TMEM232: variants seen among roughly 807,000 people sequenced by gnomAD.
TMEM232 encodes transmembrane protein 232.
TMEM232 carries 80 observed loss-of-function variants against 78.8 expected under a neutral mutation model. The ratio of observed to expected loss-of-function variants is 1.01; its 90% CI spans 0.85 to 1.22. TMEM232 has a LOEUF of 1.22. TMEM232 is among the 50% of genes most tolerant of loss of function. The pLI, the probability that TMEM232 is intolerant of heterozygous loss-of-function variation, is 0.00. For synonymous variants in TMEM232, 297 were observed against 254.3 expected, an observed-to-expected ratio of 1.17 and a Z score of -1.60; for missense variants, 881 against 742.2, an observed-to-expected ratio of 1.19 and a Z score of -2.17.
At chr5:110,605,785 T>C (rs1781475391) in intron 9 of TMEM232, among the ~76,000 whole-genome samples, 1 of 152,054 alleles carries the variant, frequency 6.6e-6, no homozygotes, top group Non-Finnish European at 1.5e-5. Context: ...TTCACAGTCT[T>C]TCACTTGGTA....
intron 12 of TMEM232, among the ~76,000 whole-genome samples, chr5:110,526,856 A>T (rs1226206083): frequency 6.6e-6 from 1 of 151,884 alleles, no homozygotes; most frequent in Non-Finnish European, 1.5e-5. Flanking sequence ...CATAATAAGG[A>T]AAACTTGTTT....
At chr5:110,737,002 TAA>T (rs5870418) in intron 1 of TMEM232, among the ~76,000 whole-genome samples, 5,140 of 134,586 alleles carry the variant, frequency 0.038, 226 homozygotes, top group African/African-American at 0.11. Context: ...TTCCTTATTC[TAA>T]AAAAAAAAAA....
At chr5:110,692,147 T>C (rs1794196259) in intron 1 of TMEM232, among the ~76,000 whole-genome samples, 1 of 152,194 alleles carries the variant, frequency 6.6e-6, no homozygotes, top group Admixed American at 6.5e-5. Flanking sequence ...GCTCTTGTAC[T>C]CCGGACTCAT....
intron 12 of TMEM232, among the ~76,000 whole-genome samples, chr5:110,499,627 A>ACCCCC (rs140788823): frequency 1.0e-4 from 12 of 119,528 alleles, no homozygotes; most frequent in South Asian, 5.2e-4. Context: ...ATATGTATAC[A>ACCCCC]CCCCCCCCCA....
chr5:110,649,656 C>T (rs1788016307), intron 2 of TMEM232, among the ~76,000 whole-genome samples: 2 of 151,984 alleles, frequency 1.3e-5, no homozygotes. Flanking sequence ...CAGGTATTTC[C>T]TTATGGTTTA....
At chr5:110,666,122 G>T (rs550127158) in intron 2 of TMEM232, among the ~76,000 whole-genome samples, 1 of 152,148 alleles carries the variant, frequency 6.6e-6, no homozygotes, top group South Asian at 2.1e-4. Context: ...AGAACTTTTG[G>T]AGCAAAGAAA....
chr5:110,528,691 G>T lies in TMEM232; in HGVS notation c.1600C>A (p.His534Asn). ...GATGGTTTCTTCAAAGGAAGAAAAT[G>T]GGCCTCAATGGGGGGAAAGAATAGT... ...SKLFFPPIEA[H>N]FLPLKKPSIK... The change falls in exon 12 of 14, where the codon CAT becomes AAT. Residue 534 changes from histidine (H) to asparagine (N), a missense_variant. Coordinates refer to ENST00000455884, the MANE Select transcript of TMEM232 (RefSeq NM_001039763.4). The T allele has an allele frequency of 6.5e-7, 1 of 1,535,104 alleles. No homozygotes were observed. Among genetic ancestry groups the T allele is most frequent in the Non-Finnish European group, 8.7e-7 (1 of 1,146,418 alleles).
intron 1 of TMEM232, among the ~76,000 whole-genome samples, chr5:110,698,326 C>T (rs1202383734): frequency 2.0e-5 from 3 of 151,896 alleles, no homozygotes; most frequent in African/African-American, 2.4e-5. Context: ...AGGAGATACA[C>T]CTAATGCTAA....
chr5:110,571,998 C>G (rs368926619), intron 10 of TMEM232, among the ~76,000 whole-genome samples: 1 of 151,896 alleles, frequency 6.6e-6, no homozygotes, highest in Admixed American at 6.6e-5. Context: ...CAATGGGCAG[C>G]AGGAGATTGG....
At chr5:110,466,121 G>C (rs979085060) in intron 12 of TMEM232, among the ~76,000 whole-genome samples, 2 of 152,120 alleles carry the variant, frequency 1.3e-5, no homozygotes, top group Admixed American at 6.5e-5. Flanking sequence ...GGAGAGATTG[G>C]ATTGTTTGAG....
intron 12 of TMEM232, among the ~76,000 whole-genome samples, chr5:110,511,602 T>A (rs957988435): frequency 7.2e-5 from 11 of 152,092 alleles, no homozygotes; most frequent in Non-Finnish European, 1.6e-4. Flanking sequence ...GGTACTGTAA[T>A]AAACACATTT....
At chr5:110,449,872 G>C (rs1278981407) in intron 12 of TMEM232, among the ~76,000 whole-genome samples, 1 of 151,844 alleles carries the variant, frequency 6.6e-6, no homozygotes, top group Non-Finnish European at 1.5e-5. Context: ...AATTACCTAG[G>C]CTCAACATCT....
At chr5:110,616,517 C>T (rs1472326078) in intron 8 of TMEM232, among the ~76,000 whole-genome samples, 2 of 151,838 alleles carry the variant, frequency 1.3e-5, no homozygotes, top group African/African-American at 4.8e-5. Flanking sequence ...ACATTTTTAA[C>T]CCATATATTT....
At chr5:110,632,506 GA>G (rs1266517272) in intron 5 of TMEM232, among the ~76,000 whole-genome samples, 2 of 151,704 alleles carry the variant, frequency 1.3e-5, no homozygotes, top group African/African-American at 4.8e-5. Context: ...CAAAAAGTCA[GA>G]AAAAAACAAT....
chr5:110,507,822 C>A (rs759572844), intron 12 of TMEM232, among the ~76,000 whole-genome samples: 25 of 152,086 alleles, frequency 1.6e-4, no homozygotes, highest in Non-Finnish European at 2.9e-5. Context: ...AAATGCACAG[C>A]CTTTAGAGAG....
chr5:110,737,698 G>A (rs1799334888), intron 1 of TMEM232, among the ~76,000 whole-genome samples: 1 of 151,624 alleles, frequency 6.6e-6, no homozygotes, highest in Non-Finnish European at 1.5e-5. Flanking sequence ...TTTCTGATTT[G>A]CCTTTATTCA....
chr5:110,648,990 C>G (rs1170062587), intron 2 of TMEM232, among the ~76,000 whole-genome samples: 2 of 152,018 alleles, frequency 1.3e-5, no homozygotes, highest in Admixed American at 6.6e-5. Flanking sequence ...GCATGCTGTT[C>G]CCTGTGCTGT....
intron 5 of TMEM232, among the ~76,000 whole-genome samples, chr5:110,629,380 C>T (rs1187975965): frequency 6.6e-6 from 1 of 152,088 alleles, no homozygotes; most frequent in African/African-American, 2.4e-5. Flanking sequence ...TTAGTTATAG[C>T]TATACTTGAA....
At chr5:110,639,552 G>A (rs1268952643) in intron 4 of TMEM232, among the ~76,000 whole-genome samples, 3 of 152,090 alleles carry the variant, frequency 2.0e-5, no homozygotes, top group Admixed American at 2.0e-4. Flanking sequence ...CAGGCATCAT[G>A]TTCTTACCAA....
Sources: gnomAD v4.1 joint callset for allele counts (sites outside exome capture counted in the v4.1 genomes callset) on GRCh38, gnomAD v4.1.1 for gene constraint, MANE v1.5 for transcripts, NCBI Gene and HGNC (gene_info 2026-07-23, HGNC 2026-07-21) for gene names.